Variants in HAPSTR1 observed in about 807,000 individuals in gnomAD.
The protein encoded by HAPSTR1 is HUWE1 associated protein modifying stress responses.
the HAPSTR1 span, among the ~76,000 whole-genome samples, chr16:9,114,582 G>T: frequency 1.3e-5 from 2 of 152,092 alleles, no homozygotes; most frequent in African/African-American, 4.8e-5. Flanking sequence ...GTTGGTAGTC[G>T]GGATACGGTC....
the HAPSTR1 span, chr16:9,117,800 G>A: frequency 6.5e-6 from 1 of 152,680 alleles, no homozygotes; most frequent in Non-Finnish European, 1.5e-5. Flanking sequence ...ATGGATGGTG[G>A]GGTAGGTTTT....
the HAPSTR1 span, chr16:9,109,563 C>T: frequency 6.6e-6 from 1 of 152,172 alleles, no homozygotes; most frequent in Non-Finnish European, 1.5e-5. Flanking sequence ...TGAGTTGTCT[C>T]TCTGTAAAGT....
the HAPSTR1 span, chr16:9,092,158 G>T: frequency 3.2e-6 from 5 of 1,565,488 alleles, no homozygotes; most frequent in South Asian, 2.3e-5. Flanking sequence ...ACGAGCAGCT[G>T]CCCCCCGAGC....
the HAPSTR1 span, chr16:9,106,912 T>C: frequency 6.6e-6 from 1 of 152,184 alleles, no homozygotes; most frequent in African/African-American, 2.4e-5. Flanking sequence ...TGGATCACTT[T>C]GTGGATCTCT....
chr16:9,121,421 T>A, the HAPSTR1 span: 2 of 152,236 alleles, frequency 1.3e-5, no homozygotes, highest in Non-Finnish European at 2.9e-5. Context: ...TAGCCAGTGT[T>A]GGGTATTTAT....
chr16:9,115,365 TAGTC>T, the HAPSTR1 span, among the ~76,000 whole-genome samples: 1 of 152,134 alleles, frequency 6.6e-6, no homozygotes. Context: ...AATTAATTGA[TAGTC>T]AAGCAATAAC....
At chr16:9,094,242 C>G in the HAPSTR1 span, among the ~76,000 whole-genome samples, 1 of 151,946 alleles carries the variant, frequency 6.6e-6, no homozygotes, top group African/African-American at 2.4e-5. Flanking sequence ...TCCAGTCTTA[C>G]TGAAAAAAGG....
At chr16:9,118,229 A>G in the HAPSTR1 span, 5 of 152,736 alleles carry the variant, frequency 3.3e-5, no homozygotes, top group South Asian at 8.3e-4. Context: ...ATTATATTAT[A>G]TATCAAGTAG....
chr16:9,099,958 A>T, the HAPSTR1 span, among the ~76,000 whole-genome samples: 2 of 152,202 alleles, frequency 1.3e-5, no homozygotes, highest in African/African-American at 4.8e-5. Context: ...GTATTTTGGG[A>T]AATAACTGAG....
the HAPSTR1 span, chr16:9,111,421 T>G: frequency 3.9e-5 from 6 of 152,272 alleles, no homozygotes; most frequent in Admixed American, 3.9e-4. Context: ...TTGTAAATTA[T>G]GTCCCTTTGT....
At chr16:9,119,725 GT>G in the HAPSTR1 span, 1 of 152,312 alleles carries the variant, frequency 6.6e-6, no homozygotes, top group South Asian at 2.1e-4. Context: ...TTTTGTTTTG[GT>G]CATCACATCT....
the HAPSTR1 span, chr16:9,091,988 C>T: frequency 4.4e-6 from 6 of 1,363,488 alleles, no homozygotes; most frequent in Admixed American, 3.3e-5. Flanking sequence ...CCCGCGGGGG[C>T]CCCGCCTGAG....
chr16:9,110,212 TC>T, the HAPSTR1 span: 1 of 150,772 alleles, frequency 6.6e-6, no homozygotes, highest in African/African-American at 2.4e-5. Flanking sequence ...ACATGGAACT[TC>T]TTATTCTCTT....
At chr16:9,116,541 C>A in the HAPSTR1 span, 1 of 1,229,776 alleles carries the variant, frequency 8.1e-7, no homozygotes, top group Non-Finnish European at 1.1e-6. Context: ...TAATTGCTTA[C>A]TAGTAATCCC....
chr16:9,113,215 C>A, the HAPSTR1 span: 245 of 151,964 alleles, frequency 1.6e-3, no homozygotes, highest in African/African-American at 5.7e-3. Context: ...TTATTTTTGA[C>A]CCTTGTGAAA....
chr16:9,092,781 C>G, the HAPSTR1 span: 2 of 913,266 alleles, frequency 2.2e-6, no homozygotes, highest in African/African-American at 3.4e-5. Context: ...ATCCCGAAAC[C>G]CCTGAACAAA....
At chr16:9,104,917 G>C in the HAPSTR1 span, 1 of 152,302 alleles carries the variant, frequency 6.6e-6, no homozygotes, top group South Asian at 2.1e-4. Context: ...CCTTTATTAA[G>C]AGGGTTGTGG....
At chr16:9,095,271 C>T in the HAPSTR1 span, among the ~76,000 whole-genome samples, 2 of 152,004 alleles carry the variant, frequency 1.3e-5, no homozygotes, top group Non-Finnish European at 2.9e-5. Context: ...CACACTTTTT[C>T]TTTTTCAGGG....
chr16:9,102,893 C>G, the HAPSTR1 span: 2 of 1,367,636 alleles, frequency 1.5e-6, no homozygotes, highest in Admixed American at 2.1e-5. Flanking sequence ...ATGGTATTCA[C>G]TTTGGTTAAA....
Sources: gnomAD v4.1 joint callset for allele counts (sites outside exome capture counted in the v4.1 genomes callset) on GRCh38, gnomAD v4.1.1 for gene constraint, MANE v1.5 for transcripts, NCBI Gene and HGNC (gene_info 2026-07-23, HGNC 2026-07-21) for gene names.